The following NCOA5 variants were observed in gnomAD, a reference collection of about 807,000 sequenced individuals.
NCOA5 encodes the protein NCoA-5.
In NCOA5, 12 loss-of-function variants were observed where a neutral mutation model predicts 59.0. That is an observed-to-expected ratio of 0.20 (90% CI 0.13 to 0.33). The LOEUF (loss-of-function observed/expected upper bound fraction) is 0.33. Among genes scored for constraint, NCOA5 ranks in the 10% least tolerant of loss-of-function variants. NCOA5 has a pLI of 1.00. For synonymous variants in NCOA5, 270 were observed against 275.5 expected (o/e 0.98, Z 0.20); for missense variants, 655 against 766.6 (o/e 0.85, Z 1.72).
chr20:46,076,362 A>G (rs935232255), intron 2 of NCOA5, among the ~76,000 whole-genome samples: 1 of 152,140 alleles, frequency 6.6e-6, no homozygotes, highest in Non-Finnish European at 1.5e-5. Context: ...CCCTCAGTTA[A>G]ATGATTTGCC....
chr20:46,066,871 A>C (rs1421856415), intron 5 of NCOA5, among the ~76,000 whole-genome samples, 184 bp downstream of exon 5: 1 of 152,172 alleles, frequency 6.6e-6, no homozygotes, highest in African/African-American at 2.4e-5. Context: ...TTAAATGAAA[A>C]ATGTCCCTTT....
rs1167683455 is a variant in NCOA5 at position 46,062,161 on chromosome 20, A to C, written c.*139T>G. ...AGCAACACAGCCTTGGGCAGAAGAG[A>C]GAGCAGGTGGTAGAAATTGATGACA... On this transcript the variant is annotated 3_prime_UTR_variant, in exon 8 of 8. Transcript: ENST00000290231. The C allele has an allele frequency of 4.7e-6, 3 of 633,390 alleles. No individual in the cohort carries two copies. Among genetic ancestry groups the C allele is most frequent in the African/African-American group, 3.7e-5 (2 of 54,562 alleles). 39.2% of individuals were successfully genotyped at this position (633,390 alleles called of 1,614,324 possible). A position where few individuals can be genotyped will look rare whatever the true frequency, so the allele number is the denominator to read the frequency against.
intron 2 of NCOA5, among the ~76,000 whole-genome samples, chr20:46,073,973 G>A (rs1325511885): frequency 1.3e-5 from 2 of 152,126 alleles, no homozygotes; most frequent in Non-Finnish European, 1.5e-5. Context: ...TGCCTTCAGG[G>A]TAAAAATGTA....
intron 2 of NCOA5, among the ~76,000 whole-genome samples, chr20:46,075,838 CT>C (rs1425328776): frequency 1.3e-5 from 2 of 152,154 alleles, no homozygotes; most frequent in Non-Finnish European, 2.9e-5. Context: ...TGAAGTGGCC[CT>C]CAAGAGTTAG....
At position 46,068,507 on chromosome 20, in the gene NCOA5, G is replaced by A. The variant is rs76979521; in HGVS notation, c.497C>T (p.Ala166Val). The A allele has an allele frequency of 1.9e-6, 3 of 1,610,178 alleles. No homozygotes were observed. The South Asian group carries it at 3.3e-5, about 18-fold the overall frequency. ...GPPGPESQSR[A>V]KERLKREERR... is the part of the protein sequence containing the mutation. ...GACTGTTTCAGCTACTTTACCTTTT[G>A]CACGAGACTGACTTTCTGGGCCTGG... Residue 166 changes from alanine to valine, a missense_variant, in exon 4 of 8, where the codon GCA becomes GTA. This residue lies in a region of NCOA5 where 250 missense variants were observed against 260.1 expected (regional missense o/e 0.96). Transcript: ENST00000290231.
At position 46,068,639 on chromosome 20, in the gene NCOA5, C is replaced by T. The variant is rs1209863137; in HGVS notation, c.366-1G>A. 1 of 1,602,196 alleles carries T rather than the reference C, an allele frequency of 6.2e-7. No individual in the cohort carries two copies. The highest frequency in any genetic ancestry group is 8.5e-7 in the Non-Finnish European group (1 of 1,176,592). On this transcript the variant is annotated splice_acceptor_variant, in intron 3 of 7. Transcript: ENST00000290231. LOFTEE classifies it high-confidence loss of function. Reference sequence around the variant, plus strand: ...GTATCGGTCATAAGAGCCTTCTCTCCTGAAAAGTTAAGGAAATTTTCATAA... The same window carrying T: ...GTATCGGTCATAAGAGCCTTCTCTCTTGAAAAGTTAAGGAAATTTTCATAA...
intron 2 of NCOA5, among the ~76,000 whole-genome samples, chr20:46,074,326 G>C (rs371373459): frequency 5.9e-5 from 9 of 152,300 alleles, no homozygotes; most frequent in African/African-American, 2.2e-4. Context: ...GACCTCAGAT[G>C]ATAAGTGGGT....
intron 3 of NCOA5, among the ~76,000 whole-genome samples, chr20:46,069,588 A>T (rs2084859693): frequency 6.6e-6 from 1 of 152,178 alleles, no homozygotes; most frequent in Non-Finnish European, 1.5e-5. Flanking sequence ...AAAATTAGCC[A>T]GGTGTGGCGG....
chr20:46,063,408 G>C lies in NCOA5; in HGVS notation c.1102C>G (p.Arg368Gly). ...CTCATCAGCCGCTCCTTCCGCTCTC[G>C]CAGGTAGTTGATGATCTTGTCAGTC... Reference protein sequence around the residue: ...EETDKIINYLRERKERLMRSS... With the variant: ...EETDKIINYLGERKERLMRSS... Residue 368 changes from arginine (R) to glycine (G), a missense_variant, in exon 7 of 8, where the codon CGA becomes GGA. Arg to Gly is a moderately radical substitution (Grantham distance 125). Around this residue, in one of 3 missense-constraint regions of NCOA5, gnomAD observed 325 missense variants for 353.2 expected, o/e 0.92. Transcript: ENST00000290231. 1 of 1,614,004 alleles carries C rather than the reference G, an allele frequency of 6.2e-7. No homozygotes were observed. Among genetic ancestry groups the C allele is most frequent in the Non-Finnish European group, 8.5e-7 (1 of 1,180,030 alleles).
intron 5 of NCOA5, among the ~76,000 whole-genome samples, chr20:46,065,983 A>G (rs2084819042): frequency 6.6e-6 from 1 of 152,244 alleles, no homozygotes; most frequent in South Asian, 2.1e-4. Context: ...AGAAAATAAC[A>G]GCTATTATCA....
chr20:46,063,945 C>A (rs2084795026), intron 6 of NCOA5, among the ~76,000 whole-genome samples: 3 of 152,028 alleles, frequency 2.0e-5, no homozygotes, highest in African/African-American at 7.3e-5. Flanking sequence ...GTAGTAAAAA[C>A]CAAAGAAACA....
In NCOA5 at chr20:46,062,648, A is replaced by G; in HGVS notation, c.1392T>C (p.Asn464=). The part of the protein sequence containing the change: ...SVAAGNTPNQ[N]FSTAANSQPQ... ...GCTGGCTGTTTGCTGCTGTGGAAAA[A>G]TTCTGGTTTGGGGTGTTTCCGGCAG... The change falls in exon 8 of 8, where the codon AAT becomes AAC. Residue 464 remains asparagine, a synonymous_variant. Transcript: ENST00000290231. The G allele has an allele frequency of 6.2e-7, 1 of 1,614,072 alleles. No homozygotes were observed. Among genetic ancestry groups the G allele is most frequent in the Non-Finnish European group, 8.5e-7 (1 of 1,180,000 alleles).
chr20:46,070,612 A>T, intron 2 of NCOA5, 76 bp from the exon 3 acceptor site: 1 of 1,360,832 alleles, frequency 7.3e-7, no homozygotes, highest in Non-Finnish European at 1.0e-6. Flanking sequence ...ATATGAGAAA[A>T]CCCCCACCCT....
intron 2 of NCOA5, among the ~76,000 whole-genome samples, chr20:46,073,711 G>A (rs753893323): frequency 6.6e-6 from 1 of 152,160 alleles, no homozygotes; most frequent in Admixed American, 6.5e-5. Context: ...GGTGGAAATC[G>A]GGGTGGGGCA....
intron 3 of NCOA5, among the ~76,000 whole-genome samples, chr20:46,068,944 T>G (rs764670777): frequency 5.9e-5 from 9 of 152,186 alleles, no homozygotes; most frequent in Non-Finnish European, 1.2e-4. Flanking sequence ...TAACAATAAT[T>G]TGCCATTTTA....
intron 2 of NCOA5, among the ~76,000 whole-genome samples, chr20:46,075,329 A>G (rs1274425996): frequency 6.6e-6 from 1 of 152,254 alleles, no homozygotes; most frequent in East Asian, 1.9e-4. Flanking sequence ...CTGCAGAGGT[A>G]ATCACAACCT....
At chr20:46,089,413 C>G (rs2085076866) in intron 1 of NCOA5, among the ~76,000 whole-genome samples, 1 of 152,240 alleles carries the variant, frequency 6.6e-6, no homozygotes, top group Non-Finnish European at 1.5e-5. Flanking sequence ...CGGTTCGAAT[C>G]CCGACTGCGC....
rs367937451 is a variant in NCOA5, at chr20:46,085,588, GA to G, written c.-30+4228del. Among the ~76,000 whole-genome samples, 15 of 152,220 alleles carry G rather than the reference GA, an allele frequency of 9.9e-5. No homozygotes were observed. The East Asian group carries it at 2.9e-3, about 29-fold the overall frequency. On this transcript the variant is annotated intron_variant, in intron 1 of 7. Coordinates refer to ENST00000290231, the MANE Select transcript of NCOA5 (RefSeq NM_020967.3). ...GGAATGAGTGGGAGTTTACCAGAAA[GA>G]GAAAAGTCATCCCAGAACATACAAA...
chr20:46,073,748 C>T (rs890133490), intron 2 of NCOA5, among the ~76,000 whole-genome samples: 3 of 152,092 alleles, frequency 2.0e-5, no homozygotes, highest in Non-Finnish European at 2.9e-5. Context: ...TTACCACCTT[C>T]GGAGTATTAT....
Sources: allele counts gnomAD v4.1 joint callset (sites outside exome capture counted in the v4.1 genomes callset), GRCh38; gene constraint gnomAD v4.1.1; regional missense constraint gnomAD v4.1.1; transcripts MANE v1.5; gene names NCBI Gene and HGNC (gene_info 2026-07-23, HGNC 2026-07-21).